IMMP2L: variants seen among roughly 807,000 people sequenced by gnomAD.
The protein encoded by IMMP2L is inner mitochondrial membrane peptidase subunit 2, also known as mitochondrial inner membrane protease subunit 2.
A neutral mutation model predicts 19.3 loss-of-function variants in IMMP2L; 18 were observed. That is an observed-to-expected ratio of 0.93 (90% CI 0.64 to 1.38). IMMP2L has a LOEUF of 1.38. Ranked by LOEUF, IMMP2L falls within the 40% of genes most tolerant of loss-of-function variation. The pLI, the probability that IMMP2L is intolerant of heterozygous loss-of-function variation, is 0.00. For synonymous variants in IMMP2L, 76 were observed against 73.0 expected (o/e 1.04, Z -0.21); for missense variants, 233 against 218.2 (o/e 1.07, Z -0.43).
At chr7:110,967,712 T>A (rs933798697) in intron 3 of IMMP2L, among the ~76,000 whole-genome samples, 1 of 152,118 alleles carries the variant, frequency 6.6e-6, no homozygotes, top group Non-Finnish European at 1.5e-5. Context: ...TGGCTTCTAT[T>A]ACAAGAGAAT....
chr7:110,746,877 G>T (rs1331563170), intron 5 of IMMP2L, among the ~76,000 whole-genome samples: 1 of 152,056 alleles, frequency 6.6e-6, no homozygotes, highest in African/African-American at 2.4e-5. Flanking sequence ...TCAAAAGCTA[G>T]CAGAAGACAA....
At chr7:111,280,359 C>T (rs1460515905) in intron 3 of IMMP2L, among the ~76,000 whole-genome samples, 1 of 152,176 alleles carries the variant, frequency 6.6e-6, no homozygotes, top group Non-Finnish European at 1.5e-5. Flanking sequence ...GATGTCTTCA[C>T]TCTTCACCTA....
chr7:110,929,074 G>A (rs1815192525), intron 4 of IMMP2L, among the ~76,000 whole-genome samples: 2 of 152,010 alleles, frequency 1.3e-5, no homozygotes, highest in African/African-American at 4.8e-5. Context: ...TTTTCCTTAT[G>A]TAAGGGGAGA....
In IMMP2L at chr7:111,406,597, C is replaced by T. The variant is rs1045013739; in HGVS notation, c.239+80641G>A. Reference sequence around the variant, plus strand: ...CTTTTACTGTCAAGCATGGTCCTGCCTTAGATCTTTGCATTTGCTCTTCTG... The same window carrying T: ...CTTTTACTGTCAAGCATGGTCCTGCTTTAGATCTTTGCATTTGCTCTTCTG... On this transcript the variant is annotated intron_variant, in intron 3 of 5. Coordinates refer to ENST00000405709, the MANE Select transcript of IMMP2L (RefSeq NM_032549.4). Among the ~76,000 whole-genome samples, 13 of 152,178 alleles carry T rather than the reference C, an allele frequency of 8.5e-5. No individual in the cohort carries two copies. In the Middle Eastern group the frequency reaches 0.01, roughly 119 times the overall value.
chr7:110,863,693 T>C (rs1807690383), intron 5 of IMMP2L, among the ~76,000 whole-genome samples: 1 of 152,172 alleles, frequency 6.6e-6, no homozygotes, highest in Non-Finnish European at 1.5e-5. Context: ...TGTGGCCAGA[T>C]GATTTTTGCC....
At chr7:111,057,830 C>A (rs1200543848) in intron 3 of IMMP2L, among the ~76,000 whole-genome samples, 1 of 152,118 alleles carries the variant, frequency 6.6e-6, no homozygotes. Context: ...GTAAAAACTT[C>A]TTTCTTTAAT....
chr7:111,493,660 G>C (rs1238685330), intron 2 of IMMP2L, among the ~76,000 whole-genome samples: 2 of 132,914 alleles, frequency 1.5e-5, no homozygotes, highest in Non-Finnish European at 3.2e-5. Context: ...AGCGGAGATC[G>C]CGCCACTGCA....
intron 5 of IMMP2L, among the ~76,000 whole-genome samples, chr7:110,867,843 T>G (rs1386378352): frequency 6.6e-6 from 1 of 152,060 alleles, no homozygotes; most frequent in Middle Eastern, 3.2e-3. Flanking sequence ...TCTCTGAAGC[T>G]GGTTGATTTC....
intron 3 of IMMP2L, among the ~76,000 whole-genome samples, chr7:111,377,300 G>A (rs1830763204): frequency 6.6e-6 from 1 of 151,614 alleles, no homozygotes; most frequent in East Asian, 1.9e-4. Context: ...TATAAAGAAG[G>A]AAAACATCCC....
At chr7:111,163,865 G>A (rs759490322) in intron 3 of IMMP2L, among the ~76,000 whole-genome samples, 8 of 151,950 alleles carry the variant, frequency 5.3e-5, no homozygotes, top group Non-Finnish European at 8.8e-5. Flanking sequence ...TCTCAGGGGA[G>A]ACTAGGCTGT....
intron 5 of IMMP2L, among the ~76,000 whole-genome samples, chr7:110,843,711 A>T (rs1224039510): frequency 1.3e-5 from 2 of 152,188 alleles, no homozygotes; most frequent in Non-Finnish European, 2.9e-5. Flanking sequence ...AAAGCCATCA[A>T]TGTGACATGA....
chr7:110,959,363 T>C (rs77520339), intron 4 of IMMP2L, among the ~76,000 whole-genome samples: 6,104 of 152,010 alleles, frequency 0.04, 178 homozygotes, highest in Non-Finnish European at 0.058. Flanking sequence ...GGGCTTCTAG[T>C]AGTTGACAGC....
chr7:111,447,611 A>G (rs1213669701), intron 3 of IMMP2L, among the ~76,000 whole-genome samples: 2 of 151,580 alleles, frequency 1.3e-5, no homozygotes, highest in Non-Finnish European at 2.9e-5. Flanking sequence ...TCATGCCAAA[A>G]TGTAAAGACC....
At chr7:111,057,513 C>T (rs745759881) in intron 3 of IMMP2L, among the ~76,000 whole-genome samples, 1 of 151,974 alleles carries the variant, frequency 6.6e-6, no homozygotes, top group Non-Finnish European at 1.5e-5. Context: ...GGTTAATATG[C>T]CATGGGCATT....
intron 3 of IMMP2L, chr7:111,122,831 T>C (rs1800818115): frequency 6.2e-7 from 1 of 1,613,964 alleles, no homozygotes; most frequent in African/African-American, 1.3e-5. Context: ...ACTACACTAG[T>C]ACAAGCTGTA....
At chr7:110,900,621 T>C (rs1459366818) in intron 4 of IMMP2L, among the ~76,000 whole-genome samples, 2 of 152,206 alleles carry the variant, frequency 1.3e-5, no homozygotes, top group African/African-American at 4.8e-5. Flanking sequence ...CTGCTTACTT[T>C]GGCTTACAAG....
intron 3 of IMMP2L, among the ~76,000 whole-genome samples, chr7:111,176,553 G>A (rs1412987403): frequency 6.6e-6 from 1 of 151,768 alleles, no homozygotes; most frequent in Admixed American, 6.6e-5. Flanking sequence ...ACTTATTTGT[G>A]GAAGCTAAAA....
intron 4 of IMMP2L, among the ~76,000 whole-genome samples, chr7:110,907,204 T>TA: frequency 6.6e-6 from 1 of 152,284 alleles, no homozygotes; most frequent in Admixed American, 6.5e-5. Flanking sequence ...CGCCCACACT[T>TA]ACGGCACCCA....
intron 3 of IMMP2L, among the ~76,000 whole-genome samples, chr7:111,161,178 T>C (rs1232624855): frequency 2.0e-5 from 3 of 151,924 alleles, no homozygotes; most frequent in African/African-American, 7.2e-5. Flanking sequence ...TTCAATCTTA[T>C]ACTTTTCTAG....
Sources: allele counts gnomAD v4.1 joint callset (sites outside exome capture counted in the v4.1 genomes callset), GRCh38; gene constraint gnomAD v4.1.1; transcripts MANE v1.5; gene names NCBI Gene and HGNC (gene_info 2026-07-23, HGNC 2026-07-21).